The following CSMD1 variants were observed in gnomAD, a reference collection of about 807,000 sequenced individuals.
CSMD1 encodes CUB and Sushi multiple domains 1, also known as CUB and sushi domain-containing protein 1.
CSMD1 carries 213 observed loss-of-function variants against 417.5 expected under a neutral mutation model. The observed-to-expected ratio is 0.51, with a 90% CI of 0.46 to 0.57. The LOEUF (loss-of-function observed/expected upper bound fraction) is 0.57. CSMD1 is among the 20% of genes least tolerant of loss of function. The probability of loss-of-function intolerance (pLI) is 0.00; values close to 1 mark genes in which losing one functional copy is unlikely to be tolerated. For missense variants in CSMD1, 6,923 were observed against 4,529.7 expected, an observed-to-expected ratio of 1.53 and a Z score of -15.17; for synonymous variants, 2,862 against 1,736.8, an observed-to-expected ratio of 1.65 and a Z score of -16.11.
intron 1 of CSMD1, among the ~76,000 whole-genome samples, chr8:4,898,200 A>C (rs951174286): frequency 6.6e-6 from 1 of 152,134 alleles, no homozygotes; most frequent in Non-Finnish European, 1.5e-5. Context: ...CTATATTGCA[A>C]ATGGAATGAT....
At chr8:3,991,630 G>A (rs186561710) in intron 5 of CSMD1, among the ~76,000 whole-genome samples, 1 of 152,224 alleles carries the variant, frequency 6.6e-6, no homozygotes, top group African/African-American at 2.4e-5. Context: ...CAAATTAGAA[G>A]TGGAGGGCAC....
chr8:4,696,479 C>A lies in CSMD1; in HGVS notation c.86-58921G>T, dbSNP rs574269676. Among the ~76,000 whole-genome samples the A allele has an allele frequency of 2.0e-5, 3 of 152,094 alleles. No individual in the cohort carries two copies. The East Asian group carries it at 5.8e-4, about 29-fold the overall frequency. On this transcript the variant is annotated intron_variant, in intron 1 of 69. Transcript: ENST00000635120. ...TTGTTTATTAAAGGGAACAGAGGGACGGGAACTTCAGAGATCTGTAGAGGA... is the reference window on the plus strand; with the variant it reads ...TTGTTTATTAAAGGGAACAGAGGGAAGGGAACTTCAGAGATCTGTAGAGGA...
Position 4,366,194 on chromosome 8 carries a change from A to G in CSMD1, c.415+53759T>C, listed in dbSNP as rs539830567. ...GCAGCATTTGGTTTTCTGTCTCTGC[A>G]TTGCTTCACTTAGGATAATGGTCTT... On this transcript the variant is annotated intron_variant, in intron 3 of 69. Transcript: ENST00000635120. Among the ~76,000 whole-genome samples the G allele has an allele frequency of 5.9e-5, 9 of 151,732 alleles. No homozygotes were observed. In the East Asian group the frequency reaches 1.2e-3, roughly 20 times the overall value.
intron 5 of CSMD1, among the ~76,000 whole-genome samples, chr8:3,873,578 G>T (rs1308152449): frequency 2.6e-5 from 4 of 152,010 alleles, no homozygotes. Context: ...AGGAGGGAGA[G>T]CATCAGCAAA....
intron 12 of CSMD1, among the ~76,000 whole-genome samples, chr8:3,462,910 G>C (rs576633240): frequency 4.6e-5 from 7 of 152,170 alleles, no homozygotes; most frequent in African/African-American, 7.2e-5. Flanking sequence ...AGAGCGTGAT[G>C]ACATGATGAG....
At chr8:4,155,631 G>T (rs1004055373) in intron 3 of CSMD1, among the ~76,000 whole-genome samples, 13 of 152,056 alleles carry the variant, frequency 8.5e-5, no homozygotes, top group Admixed American at 8.5e-4. Flanking sequence ...TATCACTCTT[G>T]GTTAGCTGAT....
chr8:3,242,610 T>C (rs1799611279), intron 26 of CSMD1, among the ~76,000 whole-genome samples: 1 of 151,914 alleles, frequency 6.6e-6, no homozygotes, highest in Admixed American at 6.6e-5. Context: ...ATATAAGGCA[T>C]TTAGGTTTTA....
At chr8:4,374,311 A>G (rs1802580965) in intron 3 of CSMD1, among the ~76,000 whole-genome samples, 1 of 152,170 alleles carries the variant, frequency 6.6e-6, no homozygotes, top group Non-Finnish European at 1.5e-5. Flanking sequence ...AGTACAATAT[A>G]ATTACAGTAC....
At position 4,152,741 on chromosome 8, in the gene CSMD1, C is replaced by T. The variant is rs147357866; in HGVS notation, c.416-120642G>A. 1.5e-3 allele frequency among the ~76,000 whole-genome samples: 220 copies of T among 151,300 alleles called. 2 individuals carry two copies. The highest frequency in any genetic ancestry group is 4.1e-3 in the African/African-American group (167 of 40,920). ...TATACACACACACAATAGATATATA[C>T]GTCCATAGTAATATATACATATAAT... On this transcript the variant is annotated intron_variant, in intron 3 of 69. Transcript: ENST00000635120.
intron 5 of CSMD1, among the ~76,000 whole-genome samples, chr8:3,986,604 C>G (rs1814336523): frequency 6.6e-6 from 1 of 152,124 alleles, no homozygotes; most frequent in South Asian, 2.1e-4. Flanking sequence ...TTTCCCAAGC[C>G]ATGCAACATA....
rs1409662844 is a variant in CSMD1 at position 2,935,526 on chromosome 8, T to C, written c.*3059A>G. On this transcript the variant is annotated 3_prime_UTR_variant, in exon 70 of 70. Coordinates refer to ENST00000635120, the MANE Select transcript of CSMD1 (RefSeq NM_033225.6). ...TGTGTAATAGGATTGGAACTGAAAA[T>C]CAGCTAGAGATGGTACATTTTACAT... is the stretch of plus-strand genomic sequence containing the variant. The C allele has an allele frequency of 6.6e-6, 1 of 152,110 alleles. No homozygotes were observed. Among genetic ancestry groups the C allele is most frequent in the African/African-American group, 2.4e-5 (1 of 41,408 alleles). 9.4% of individuals were successfully genotyped at this position (152,110 alleles called of 1,614,324 possible). A position where few individuals can be genotyped will look rare whatever the true frequency, so the allele number is the denominator to read the frequency against.
At chr8:3,267,087 G>A (rs577406012) in intron 26 of CSMD1, among the ~76,000 whole-genome samples, 1 of 151,476 alleles carries the variant, frequency 6.6e-6, no homozygotes, top group East Asian at 1.9e-4. Context: ...CCAGAGAGAG[G>A]GAAGGGTGAA....
intron 1 of CSMD1, 61 bp downstream of exon 1, chr8:4,994,271 T>C: frequency 6.7e-7 from 1 of 1,498,780 alleles, no homozygotes; most frequent in Non-Finnish European, 9.2e-7. Context: ...CACACTCGCG[T>C]CCGCACACGG....
At chr8:3,521,961 C>T (rs1290701905) in intron 10 of CSMD1, among the ~76,000 whole-genome samples, 2 of 152,166 alleles carry the variant, frequency 1.3e-5, no homozygotes, top group Non-Finnish European at 2.9e-5. Context: ...TACAAAAATG[C>T]AATTAACAAA....
chr8:4,448,450 C>G (rs1798945063), intron 2 of CSMD1, among the ~76,000 whole-genome samples: 4 of 152,198 alleles, frequency 2.6e-5, no homozygotes. Flanking sequence ...CACTGTGGAG[C>G]TATTTTCCCT....
intron 1 of CSMD1, among the ~76,000 whole-genome samples, chr8:4,954,691 A>C (rs1808972539): frequency 6.6e-6 from 1 of 152,194 alleles, no homozygotes; most frequent in Admixed American, 6.5e-5. Flanking sequence ...GTTCCTTATA[A>C]GCTATCATAA....
At chr8:3,357,954 C>A (rs1315103975) in intron 21 of CSMD1, among the ~76,000 whole-genome samples, 1 of 152,084 alleles carries the variant, frequency 6.6e-6, no homozygotes, top group African/African-American at 2.4e-5. Context: ...TAACGAAATT[C>A]TGACTGTGTA....
chr8:4,280,368 A>G (rs1284092152), intron 3 of CSMD1, among the ~76,000 whole-genome samples: 1 of 152,214 alleles, frequency 6.6e-6, no homozygotes, highest in Non-Finnish European at 1.5e-5. Context: ...TAATAATTGA[A>G]TAGACACGAC....
chr8:4,410,157 G>A (rs1488322578), intron 3 of CSMD1, among the ~76,000 whole-genome samples: 7 of 152,112 alleles, frequency 4.6e-5, no homozygotes, highest in South Asian at 4.1e-4. Flanking sequence ...GCTAATCTAG[G>A]CCAAATGGAA....
Sources: allele counts gnomAD v4.1 joint callset (sites outside exome capture counted in the v4.1 genomes callset), GRCh38; gene constraint gnomAD v4.1.1; transcripts MANE v1.5; gene names NCBI Gene and HGNC (gene_info 2026-07-23, HGNC 2026-07-21).